Variants in GSE1 observed in about 807,000 individuals in gnomAD.
GSE1 encodes the protein Gse1 coiled-coil protein.
Under a neutral mutation model 112.6 loss-of-function variants are expected in GSE1, and 32 were observed. That is an observed-to-expected ratio of 0.28 (90% CI 0.21 to 0.38). GSE1 has a LOEUF of 0.38. Among genes scored for constraint, GSE1 ranks in the 10% least tolerant of loss-of-function variants. GSE1 has a pLI of 1.00. For synonymous variants in GSE1, 1,115 were observed against 735.6 expected (o/e 1.52, Z -8.35); for missense variants, 2,348 against 1,699.2 (o/e 1.38, Z -6.71).
At chr16:85,504,054 C>T (rs1014359439) in intron 2 of GSE1, among the ~76,000 whole-genome samples, 1 of 152,224 alleles carries the variant, frequency 6.6e-6, no homozygotes, top group East Asian at 1.9e-4. Flanking sequence ...CCCTCTGCCT[C>T]CCACGGTGCT....
chr16:85,258,086 A>G (rs567553720), intron 1 of GSE1, among the ~76,000 whole-genome samples: 13 of 152,266 alleles, frequency 8.5e-5, no homozygotes, highest in Non-Finnish European at 1.6e-4. Context: ...AAAACATTCT[A>G]CAGATGGGTT....
At chr16:85,515,019 ATATC>A (rs1223225806) in intron 2 of GSE1, among the ~76,000 whole-genome samples, 21 of 152,224 alleles carry the variant, frequency 1.4e-4, no homozygotes, top group African/African-American at 5.1e-4. Flanking sequence ...GCACATGTGA[ATATC>A]TGTGTGGGTG....
At chr16:85,630,289 G>A (rs940602643) in intron 1 of GSE1, among the ~76,000 whole-genome samples, 4 of 152,166 alleles carry the variant, frequency 2.6e-5, no homozygotes, top group African/African-American at 4.8e-5. Flanking sequence ...TCTGGCCCAC[G>A]CTTGGGGAAG....
chr16:85,477,264 C>T (rs1202052223), intron 2 of GSE1, among the ~76,000 whole-genome samples: 1 of 152,196 alleles, frequency 6.6e-6, no homozygotes, highest in Non-Finnish European at 1.5e-5. Context: ...GGCTTTGGCT[C>T]CACAGCCTGT....
intron 8 of GSE1, among the ~76,000 whole-genome samples, chr16:85,660,125 G>A (rs972649588): frequency 1.3e-5 from 2 of 152,252 alleles, no homozygotes; most frequent in African/African-American, 4.8e-5. Context: ...CACAGCAGGA[G>A]GAGAGGGTGC....
chr16:85,366,519 A>G (rs1253319603), intron 2 of GSE1, among the ~76,000 whole-genome samples: 5 of 152,234 alleles, frequency 3.3e-5, no homozygotes, highest in African/African-American at 4.8e-5. Context: ...TTAGAAGCCC[A>G]GGCAGCCCTG....
intron 1 of GSE1, among the ~76,000 whole-genome samples, chr16:85,570,093 G>A (rs1240535951): frequency 6.6e-6 from 1 of 152,226 alleles, no homozygotes; most frequent in East Asian, 1.9e-4. Flanking sequence ...TTTCGGAGAA[G>A]CAGCCGTCGG....
At chr16:85,278,264 C>T (rs572442478) in intron 1 of GSE1, among the ~76,000 whole-genome samples, 83 of 152,336 alleles carry the variant, frequency 5.4e-4, no homozygotes, top group Non-Finnish European at 7.9e-4. Flanking sequence ...ACCTGAGACC[C>T]TCTCTTCTTG....
At chr16:85,522,151 T>C (rs1037522025) in intron 2 of GSE1, among the ~76,000 whole-genome samples, 7 of 152,172 alleles carry the variant, frequency 4.6e-5, no homozygotes, top group Non-Finnish European at 8.8e-5. Context: ...CCAGCCTTAA[T>C]GGATGCCTTA....
intron 2 of GSE1, among the ~76,000 whole-genome samples, chr16:85,408,847 C>G (rs1483700309): frequency 1.7e-4 from 7 of 41,352 alleles, no homozygotes; most frequent in East Asian, 1.1e-3. Context: ...TACACTCAGG[C>G]CCCCCTGGAT....
intron 2 of GSE1, among the ~76,000 whole-genome samples, chr16:85,439,396 C>A (rs2049323281): frequency 6.6e-6 from 1 of 152,228 alleles, no homozygotes; most frequent in Non-Finnish European, 1.5e-5. Flanking sequence ...CTCTCTCAGC[C>A]TTGGAGGCTG....
chr16:85,238,624 G>T (rs1476746974), intron 1 of GSE1, among the ~76,000 whole-genome samples: 1 of 152,168 alleles, frequency 6.6e-6, no homozygotes, highest in African/African-American at 2.4e-5. Context: ...GAGGAGCCAG[G>T]CAGGGTTTGG....
chr16:85,570,830 G>A (rs375930236), intron 1 of GSE1, among the ~76,000 whole-genome samples: 58 of 152,326 alleles, frequency 3.8e-4, no homozygotes, highest in African/African-American at 1.1e-3. Context: ...CCTGCCGGAC[G>A]CCGGAGGAGG....
rs1240040982 is a variant in GSE1 at position 85,176,776 on chromosome 16, A to G, written c.2283+4969A>G. Reference sequence around the variant, plus strand: ...TGCCGCAACCACCTTTCTTCTCTGCAGGGACATCTGAGGTCTGCAGAGAGC... The same window carrying G: ...TGCCGCAACCACCTTTCTTCTCTGCGGGGACATCTGAGGTCTGCAGAGAGC... On this transcript the variant is annotated intron_variant, in intron 1 of 2. Coordinates refer to the GSE1 transcript ENST00000637419. Among the ~76,000 whole-genome samples the G allele has an allele frequency of 2.6e-5, 4 of 152,324 alleles. No individual in the cohort carries two copies. The East Asian group carries it at 7.7e-4, about 29-fold the overall frequency.
chr16:85,570,423 CCTG>C (rs1425292947), intron 1 of GSE1, among the ~76,000 whole-genome samples: 1 of 152,212 alleles, frequency 6.6e-6, no homozygotes, highest in Non-Finnish European at 1.5e-5. Flanking sequence ...AGAACTGACA[CCTG>C]CTGTGTGACA....
At chr16:85,490,688 A>C (rs1346666906) in intron 2 of GSE1, 1 of 152,234 alleles carries the variant, frequency 6.6e-6, no homozygotes, top group South Asian at 2.1e-4. Flanking sequence ...AACGGAGAGC[A>C]CTGTGACTCC....
chr16:85,447,681 A>G (rs940894700), intron 2 of GSE1, among the ~76,000 whole-genome samples: 20 of 152,182 alleles, frequency 1.3e-4, no homozygotes, highest in South Asian at 4.1e-4. Flanking sequence ...TGGGGCTCGG[A>G]GCTTCTGTAG....
chr16:85,409,697 A>G (rs868643535), intron 2 of GSE1, among the ~76,000 whole-genome samples: 1 of 4,500 alleles, frequency 2.2e-4, no homozygotes, highest in African/African-American at 2.6e-4. Flanking sequence ...CCTCACCGTT[A>G]CACTCAGGGC....
rs1256428471 is a variant in GSE1, at chr16:85,419,927, G to A, written c.2464+62284G>A. Among the ~76,000 whole-genome samples the A allele has an allele frequency of 6.6e-6, 1 of 152,228 alleles. No individual in the cohort carries two copies. The highest frequency in any genetic ancestry group is 1.5e-5 in the Non-Finnish European group (1 of 68,040). On this transcript the variant is annotated intron_variant, in intron 2 of 2. Transcript: ENST00000637419. The surrounding 1 kb of genome is among the most constrained non-coding windows in gnomAD (Gnocchi z 6.5). Reference sequence around the variant, plus strand: ...TGGGCTGGAACAGAACTGAGGGACAGCAGGGGCAAAGTCTGAGCTAGGAAG... The same window carrying A: ...TGGGCTGGAACAGAACTGAGGGACAACAGGGGCAAAGTCTGAGCTAGGAAG...
Sources: gnomAD v4.1 joint callset for allele counts (sites outside exome capture counted in the v4.1 genomes callset) on GRCh38, gnomAD v4.1.1 for gene constraint, Gnocchi (gnomAD v3.1) non-coding constraint, MANE v1.5 for transcripts, NCBI Gene and HGNC (gene_info 2026-07-23, HGNC 2026-07-21) for gene names.